TENM4: variants seen among roughly 807,000 people sequenced by gnomAD.
The protein encoded by TENM4 is teneurin-4.
TENM4 carries 82 observed loss-of-function variants against 243.3 expected under a neutral mutation model. The ratio of observed to expected loss-of-function variants is 0.34; its 90% CI spans 0.28 to 0.40. The LOEUF is 0.40. Ranked by LOEUF, TENM4 falls within the 10% of genes least tolerant of loss-of-function variation. The pLI is 1.00. For synonymous variants in TENM4, 1,412 were observed against 1,456.3 expected (o/e 0.97, Z 0.69); for missense variants, 3,138 against 3,673.3 (o/e 0.85, Z 3.77).
chr11:79,268,201 G>A (rs1433202108), intron 2 of TENM4, among the ~76,000 whole-genome samples: 1 of 152,120 alleles, frequency 6.6e-6, no homozygotes, highest in Non-Finnish European at 1.5e-5. Context: ...TTCCCTAAAG[G>A]GCTGGGCTGT....
chr11:79,280,437 C>G (rs1856136266), intron 2 of TENM4, among the ~76,000 whole-genome samples: 1 of 152,204 alleles, frequency 6.6e-6, no homozygotes, highest in Non-Finnish European at 1.5e-5. Flanking sequence ...GGGCCTGGCT[C>G]TGGGCTTTGT....
intron 28 of TENM4, among the ~76,000 whole-genome samples, chr11:78,692,548 A>C (rs998693450): frequency 6.6e-6 from 1 of 152,322 alleles, no homozygotes; most frequent in Admixed American, 6.5e-5. Context: ...GATTGCCCTC[A>C]GTGGAATGTC....
intron 12 of TENM4, among the ~76,000 whole-genome samples, chr11:78,845,530 C>G (rs1316289397): frequency 2.0e-5 from 3 of 152,130 alleles, no homozygotes; most frequent in Non-Finnish European, 4.4e-5. Flanking sequence ...CTCCAACAAC[C>G]TCAACTATCG....
intron 12 of TENM4, among the ~76,000 whole-genome samples, chr11:78,821,764 G>A (rs531667646): frequency 6.6e-6 from 1 of 152,336 alleles, no homozygotes; most frequent in African/African-American, 2.4e-5. Context: ...GGTGAAATAA[G>A]GACTTTGTTT....
rs149355712 is a variant in TENM4 at position 78,865,252 on chromosome 11, A to G, written c.1085-2120T>C. Among the ~76,000 whole-genome samples the G allele has an allele frequency of 5.3e-5, 8 of 152,306 alleles. No homozygotes were observed. The East Asian group carries it at 1.5e-3, about 29-fold the overall frequency. ...AGGTATTAATAACCCCATTTTACAG[A>G]TGGAGAAACTAAGGCACAACAAGAC... On this transcript the variant is annotated intron_variant, in intron 9 of 33. Transcript: ENST00000278550.
chr11:79,232,870 G>A (rs1864397071), intron 2 of TENM4, among the ~76,000 whole-genome samples: 1 of 152,228 alleles, frequency 6.6e-6, no homozygotes, highest in Non-Finnish European at 1.5e-5. Flanking sequence ...GGAGAGTGGA[G>A]TGGTTTAGAG....
At chr11:79,300,361 C>T (rs957684089) in intron 1 of TENM4, among the ~76,000 whole-genome samples, 9 of 152,296 alleles carry the variant, frequency 5.9e-5, no homozygotes, top group Admixed American at 1.3e-4. Flanking sequence ...AAATAGCATG[C>T]TTTTAAATGG....
intron 2 of TENM4, among the ~76,000 whole-genome samples, chr11:79,296,523 C>G (rs1565287944): frequency 6.6e-6 from 1 of 152,220 alleles, no homozygotes; most frequent in Non-Finnish European, 1.5e-5. Flanking sequence ...AAAAGAATCC[C>G]TTGCAGAAAA....
intron 3 of TENM4, among the ~76,000 whole-genome samples, chr11:79,171,539 T>C (rs970030468): frequency 6.6e-6 from 1 of 152,182 alleles, no homozygotes; most frequent in African/African-American, 2.4e-5. Flanking sequence ...AGAGTCCCCA[T>C]AGACTGATTA....
chr11:79,097,991 ATAAAT>A (rs1861125853), intron 4 of TENM4: 1 of 152,224 alleles, frequency 6.6e-6, no homozygotes. Flanking sequence ...GTGGCCCAAG[ATAAAT>A]TAAACTTGCA....
chr11:79,195,110 C>T (rs2135175847), intron 3 of TENM4, among the ~76,000 whole-genome samples: 1 of 152,346 alleles, frequency 6.6e-6, no homozygotes, highest in African/African-American at 2.4e-5. Flanking sequence ...GGTGTTGAGC[C>T]TGTGGGTACA....
At chr11:78,901,888 C>T (rs1003376438) in intron 7 of TENM4, among the ~76,000 whole-genome samples, 4 of 152,172 alleles carry the variant, frequency 2.6e-5, no homozygotes, top group South Asian at 2.1e-4. Context: ...ATTTTGCTTT[C>T]GGAAAAACAA....
At chr11:79,040,480 G>A (rs1345216313) in intron 6 of TENM4, among the ~76,000 whole-genome samples, 4 of 152,192 alleles carry the variant, frequency 2.6e-5, no homozygotes, top group Non-Finnish European at 4.4e-5. Flanking sequence ...TTCAGTCCCA[G>A]TCTGCTTGGC....
Position 79,038,778 on chromosome 11 carries a change from C to T in TENM4, c.493+25960G>A, listed in dbSNP as rs147476371. Among the ~76,000 whole-genome samples the T allele has an allele frequency of 6.9e-4, 105 of 152,346 alleles. 1 individual carries two copies. Among genetic ancestry groups the T allele is most frequent in the Non-Finnish European group, 1.1e-3 (78 of 68,034 alleles). ...AAATCCTGGCTTGGGAAAAAACCAT[C>T]TTAAAACTATGCAAGAGTTTAACTT... is the stretch of plus-strand genomic sequence containing the variant. On this transcript the variant is annotated intron_variant, in intron 6 of 33. Transcript: ENST00000278550.
chr11:79,342,495 A>C (rs1590893683), intron 1 of TENM4, among the ~76,000 whole-genome samples: 1 of 152,222 alleles, frequency 6.6e-6, no homozygotes, highest in East Asian at 1.9e-4. Context: ...CCACACAGAA[A>C]TAAGGAACTG....
intron 4 of TENM4, chr11:79,093,404 G>A (rs1327693091): frequency 5.9e-5 from 9 of 152,312 alleles, no homozygotes; most frequent in East Asian, 1.9e-4. Flanking sequence ...TGAGGACTAC[G>A]AGCCACCTTT....
At chr11:79,439,815 G>T (rs1202619564) in intron 1 of TENM4, among the ~76,000 whole-genome samples, 1 of 152,168 alleles carries the variant, frequency 6.6e-6, no homozygotes, top group Non-Finnish European at 1.5e-5. Flanking sequence ...CGAAGCTGGG[G>T]GTGAGAGTAG....
At position 78,903,272 on chromosome 11, in the gene TENM4, T is replaced by A. The variant is rs1438131052; in HGVS notation, c.745A>T (p.Thr249Ser). ...WLLNSNIPLETRNLGKQPFLG... is the reference protein window; with the variant it reads ...WLLNSNIPLESRNLGKQPFLG... ...CCCTCCCTACCGGCCGCGCACCTGG[T>A]CTCCAGGGGGATGTTGCTGTTGAGC... The change falls in exon 7 of 34, where the codon ACC becomes TCC. Residue 249 changes from threonine (T) to serine (S), a missense_variant. Coordinates refer to ENST00000278550, the MANE Select transcript of TENM4 (RefSeq NM_001098816.3). 6.7e-7 allele frequency: 1 copy of A among 1,488,978 alleles called. No homozygotes were observed. Among genetic ancestry groups the A allele is most frequent in the South Asian group, 1.3e-5 (1 of 76,100 alleles). 92.2% of individuals were successfully genotyped at this position (1,488,978 alleles called of 1,614,324 possible). A position where few individuals can be genotyped will look rare whatever the true frequency, so the allele number is the denominator to read the frequency against.
chr11:78,800,460 G>C (rs1476603113), intron 15 of TENM4, among the ~76,000 whole-genome samples: 2 of 152,154 alleles, frequency 1.3e-5, no homozygotes, highest in Non-Finnish European at 2.9e-5. Flanking sequence ...CCAGCACACT[G>C]TGTGGGGAGT....
Sources: allele counts gnomAD v4.1 joint callset (sites outside exome capture counted in the v4.1 genomes callset), GRCh38; gene constraint gnomAD v4.1.1; transcripts MANE v1.5; gene names NCBI Gene and HGNC (gene_info 2026-07-23, HGNC 2026-07-21).